The following GUCY1A2 variants were observed in gnomAD, a reference collection of about 807,000 sequenced individuals.
GUCY1A2 encodes the protein guanylate cyclase soluble subunit alpha-2.
In GUCY1A2, 27 loss-of-function variants were observed where a neutral mutation model predicts 63.5. The ratio of observed to expected loss-of-function variants is 0.43; its 90% CI spans 0.31 to 0.59. The LOEUF (loss-of-function observed/expected upper bound fraction) is 0.59. GUCY1A2 is among the 20% of genes least tolerant of loss of function. The pLI is 0.11. For synonymous variants in GUCY1A2, 364 were observed against 343.5 expected (o/e 1.06, Z -0.66); for missense variants, 768 against 913.3 (o/e 0.84, Z 2.05).
rs1862505376 is a variant in GUCY1A2 at position 106,685,296 on chromosome 11, A to G, written c.*2253T>C. The G allele has an allele frequency of 1.5e-5, 3 of 206,486 alleles. No individual in the cohort carries two copies. In the South Asian group the frequency reaches 5.7e-4, roughly 39 times the overall value. The allele number at this position is 206,486 out of a possible 1,614,324, so 12.8% of individuals were successfully genotyped here. A position where few individuals can be genotyped will look rare whatever the true frequency, so the allele number is the denominator to read the frequency against. On this transcript the variant is annotated 3_prime_UTR_variant, in exon 8 of 8. Coordinates refer to ENST00000526355, the MANE Select transcript of GUCY1A2 (RefSeq NM_000855.3). ...TTCTTCTGATAAATTGAGATATATA[A>G]ATACAATACTTCTCTCCAGGCCTAT... is the stretch of plus-strand genomic sequence containing the variant.
At chr11:106,992,942 T>C (rs1055405390) in intron 1 of GUCY1A2, among the ~76,000 whole-genome samples, 6 of 152,124 alleles carry the variant, frequency 3.9e-5, no homozygotes, top group African/African-American at 1.2e-4. Flanking sequence ...ATCTAAACTT[T>C]CCAAAAGCCA....
At chr11:106,886,372 A>G (rs1356285132) in intron 4 of GUCY1A2, among the ~76,000 whole-genome samples, 1 of 152,112 alleles carries the variant, frequency 6.6e-6, no homozygotes, top group Non-Finnish European at 1.5e-5. Flanking sequence ...AAATGATAAA[A>G]GGTGTCTAGA....
chr11:106,764,885 C>T (rs779474826), intron 6 of GUCY1A2, among the ~76,000 whole-genome samples: 3 of 147,760 alleles, frequency 2.0e-5, no homozygotes, highest in Admixed American at 6.9e-5. Context: ...AGCTACATAA[C>T]CTTGATCAAA....
intron 4 of GUCY1A2, among the ~76,000 whole-genome samples, chr11:106,910,067 T>C (rs1003778444): frequency 1.4e-4 from 21 of 152,054 alleles, no homozygotes. Context: ...TATGCATTTA[T>C]GTATAAAAGT....
intron 4 of GUCY1A2, among the ~76,000 whole-genome samples, chr11:106,934,444 C>T (rs774566769): frequency 2.6e-5 from 4 of 152,136 alleles, no homozygotes; most frequent in Admixed American, 6.5e-5. Context: ...CAAGATGAAA[C>T]TTGTCTTTCA....
intron 6 of GUCY1A2, among the ~76,000 whole-genome samples, chr11:106,735,392 C>A (rs1209471741): frequency 1.3e-5 from 2 of 152,066 alleles, no homozygotes; most frequent in East Asian, 1.9e-4. Flanking sequence ...TGAGAACATG[C>A]AATAGTCATC....
intron 6 of GUCY1A2, among the ~76,000 whole-genome samples, chr11:106,740,565 C>T (rs1167583029): frequency 6.6e-6 from 1 of 151,054 alleles, no homozygotes; most frequent in Non-Finnish European, 1.5e-5. Context: ...TTCAATATCA[C>T]TTCTTCCATG....
intron 5 of GUCY1A2, among the ~76,000 whole-genome samples, chr11:106,779,360 T>C (rs60910703): frequency 0.045 from 6,844 of 152,280 alleles, 148 homozygotes; most frequent in East Asian, 0.092. Context: ...AATAAACATC[T>C]AAAATGTGCC....
At chr11:106,945,337 T>C (rs1860812095) in intron 3 of GUCY1A2, among the ~76,000 whole-genome samples, 1 of 151,466 alleles carries the variant, frequency 6.6e-6, no homozygotes, top group East Asian at 1.9e-4. Flanking sequence ...CTGGCAAAGA[T>C]TCAGAGATTC....
intron 4 of GUCY1A2, among the ~76,000 whole-genome samples, chr11:106,909,012 C>G (rs900934694): frequency 6.6e-6 from 1 of 151,774 alleles, no homozygotes; most frequent in African/African-American, 2.4e-5. Context: ...AAGAAAAGGT[C>G]TCAGAACATT....
intron 4 of GUCY1A2, among the ~76,000 whole-genome samples, chr11:106,876,171 T>C (rs1218694363): frequency 6.6e-6 from 1 of 152,070 alleles, no homozygotes; most frequent in Non-Finnish European, 1.5e-5. Flanking sequence ...AAAAGTAATT[T>C]ACCATTCCTA....
intron 4 of GUCY1A2, among the ~76,000 whole-genome samples, chr11:106,825,166 G>T (rs181193999): frequency 7.4e-4 from 113 of 152,184 alleles, no homozygotes; most frequent in African/African-American, 2.7e-3. Context: ...TATAAAACAA[G>T]GGAAAAATTT....
intron 2 of GUCY1A2, among the ~76,000 whole-genome samples, chr11:106,981,433 C>A (rs1400294855): frequency 1.4e-5 from 2 of 146,284 alleles, no homozygotes; most frequent in Middle Eastern, 3.6e-3. Flanking sequence ...ATGAGTTTGG[C>A]AACAGTCCTA....
intron 3 of GUCY1A2, among the ~76,000 whole-genome samples, chr11:106,942,327 C>T (rs1860762576): frequency 1.3e-5 from 2 of 152,148 alleles, no homozygotes; most frequent in Admixed American, 6.5e-5. Flanking sequence ...ATTCTCACTT[C>T]CTTCACTAAA....
At chr11:106,750,197 G>T (rs1229526777) in intron 6 of GUCY1A2, among the ~76,000 whole-genome samples, 1 of 152,108 alleles carries the variant, frequency 6.6e-6, no homozygotes, top group Non-Finnish European at 1.5e-5. Context: ...TCTATGGGCA[G>T]AAGAGTGGAA....
chr11:106,823,434 T>C (rs1858928467), intron 4 of GUCY1A2, among the ~76,000 whole-genome samples: 1 of 152,192 alleles, frequency 6.6e-6, no homozygotes, highest in Admixed American at 6.5e-5. Context: ...TTCATTCTTT[T>C]TCATGGCCAT....
chr11:106,972,087 C>A (rs1054959919), intron 3 of GUCY1A2, among the ~76,000 whole-genome samples: 1 of 152,024 alleles, frequency 6.6e-6, no homozygotes, highest in Non-Finnish European at 1.5e-5. Flanking sequence ...CAACATAAGT[C>A]TGAGAAATTG....
chr11:106,709,026 A>C (rs1862972168), intron 6 of GUCY1A2, among the ~76,000 whole-genome samples: 1 of 149,462 alleles, frequency 6.7e-6, no homozygotes, highest in African/African-American at 2.4e-5. Flanking sequence ...TTATTCTTAA[A>C]TAAAACCTTA....
At chr11:106,875,558 A>G (rs540896599) in intron 4 of GUCY1A2, among the ~76,000 whole-genome samples, 2 of 152,208 alleles carry the variant, frequency 1.3e-5, no homozygotes, top group Admixed American at 1.3e-4. Flanking sequence ...CATTGTTAAG[A>G]AAACTCTCTC....
Sources: allele counts gnomAD v4.1 joint callset (sites outside exome capture counted in the v4.1 genomes callset), GRCh38; gene constraint gnomAD v4.1.1; transcripts MANE v1.5; gene names NCBI Gene and HGNC (gene_info 2026-07-23, HGNC 2026-07-21).